The following REPS1 variants were observed in gnomAD, a reference collection of about 807,000 sequenced individuals.
The protein encoded by REPS1 is ralBP1-associated Eps domain-containing protein 1.
REPS1 carries 39 observed loss-of-function variants against 100.9 expected under a neutral mutation model. The observed-to-expected ratio is 0.39, with a 90% CI of 0.30 to 0.50. REPS1 has a LOEUF of 0.50. Among genes scored for constraint, REPS1 ranks in the 20% least tolerant of loss-of-function variants. The pLI, the probability that REPS1 is intolerant of heterozygous loss-of-function variation, is 0.86. For missense variants in REPS1, 821 were observed against 968.5 expected, an observed-to-expected ratio of 0.85 and a Z score of 2.02; for synonymous variants, 324 against 340.3, an observed-to-expected ratio of 0.95 and a Z score of 0.53.
chr6:138,987,771 C>T lies in REPS1; in HGVS notation c.-89G>A. The T allele has an allele frequency of 7.3e-7, 1 of 1,374,296 alleles. No individual in the cohort carries two copies. Among genetic ancestry groups the T allele is most frequent in the Non-Finnish European group, 9.4e-7 (1 of 1,058,534 alleles). The allele number at this position is 1,374,296 out of a possible 1,614,324, so 85.1% of individuals were successfully genotyped here. ...CTGGGCCGGCAGGGGCTGCGCGTGG[C>T]CCGGCCTCCTGCTAGCTTCCCGAAA... is the stretch of plus-strand genomic sequence containing the variant. On this transcript the variant is annotated 5_prime_UTR_variant, in exon 1 of 20. Transcript: ENST00000450536.
intron 17 of REPS1, among the ~76,000 whole-genome samples, chr6:138,910,096 G>A (rs1033678842): frequency 5.3e-5 from 8 of 152,192 alleles, no homozygotes; most frequent in African/African-American, 1.9e-4. Context: ...CTAGTGGGAG[G>A]TGTTTGGGTC....
At chr6:138,986,265 C>T (rs1182340943) in intron 1 of REPS1, among the ~76,000 whole-genome samples, 3 of 152,188 alleles carry the variant, frequency 2.0e-5, no homozygotes, top group Non-Finnish European at 4.4e-5. Context: ...CCTCGTTGCC[C>T]TTCACTGGCA....
At chr6:138,916,218 C>CTTTTTTTTTTTTTTTTTTTTTTT (rs10582137) in intron 13 of REPS1, 1 of 191,862 alleles carries the variant, frequency 5.2e-6, no homozygotes, top group Non-Finnish European at 9.6e-6. Flanking sequence ...TTCTTTTTTT[C>CTTTTTTTTTTTTTTTTTTTTTTT]TTTTTTTTTT....
intron 1 of REPS1, among the ~76,000 whole-genome samples, chr6:138,965,893 T>C (rs1325282107): frequency 6.6e-6 from 1 of 152,114 alleles, no homozygotes; most frequent in African/African-American, 2.4e-5. Flanking sequence ...TGACTCCTAA[T>C]CAGAAATTTT....
intron 16 of REPS1, 152 bp downstream of exon 16, chr6:138,912,613 A>T (rs1366888859): frequency 2.7e-6 from 2 of 728,436 alleles, no homozygotes; most frequent in African/African-American, 3.6e-5. Context: ...CACTGCAACC[A>T]GCAGATATTG....
At chr6:138,919,471 C>G (rs1193740230) in intron 12 of REPS1, among the ~76,000 whole-genome samples, 1 of 152,204 alleles carries the variant, frequency 6.6e-6, no homozygotes, top group Non-Finnish European at 1.5e-5. Context: ...GGCTTTTCAT[C>G]TAAGTCAAAG....
intron 1 of REPS1, among the ~76,000 whole-genome samples, chr6:138,950,568 T>C (rs887820015): frequency 3.3e-5 from 5 of 152,218 alleles, no homozygotes; most frequent in African/African-American, 4.8e-5. Context: ...TATATTTATA[T>C]GTGCTTATTT....
At position 138,914,093 on chromosome 6, in the gene REPS1, A is replaced by G. The variant is rs373481281; in HGVS notation, c.1785+604T>C. 4.0e-5 allele frequency among the ~76,000 whole-genome samples: 6 copies of G among 151,378 alleles called. No individual in the cohort carries two copies. The East Asian group carries it at 1.2e-3, about 30-fold the overall frequency. On this transcript the variant is annotated intron_variant, in intron 15 of 19. Transcript: ENST00000450536. ...GGGGTATTTTGTTTTGTTTTGAGAC[A>G]GGGTCTCACTCTGTCATCCAGGCTG...
chr6:138,969,453 T>A (rs1469712910), intron 1 of REPS1, among the ~76,000 whole-genome samples: 7 of 144,440 alleles, frequency 4.8e-5, no homozygotes, highest in Admixed American at 1.4e-4. Context: ...GCTGGCCAAT[T>A]TTTTTTTTTT....
rs1779494359 is a variant in REPS1, at chr6:138,903,993, T to G, written c.*1071A>C. 1.3e-5 allele frequency: 2 copies of G among 152,210 alleles called. No individual in the cohort carries two copies. The highest frequency in any genetic ancestry group is 2.9e-5 in the Non-Finnish European group (2 of 68,030). 9.4% of individuals were successfully genotyped at this position (152,210 alleles called of 1,614,324 possible). A position where few individuals can be genotyped will look rare whatever the true frequency, so the allele number is the denominator to read the frequency against. On this transcript the variant is annotated 3_prime_UTR_variant, in exon 20 of 20. Transcript: ENST00000450536. ...CTTCTATTTCTTAAAACTTTAAATC[T>G]TGTTAAAAAGATGAACAAAAGTTAA...
Position 138,945,540 on chromosome 6 carries a change from G to C in REPS1, c.435C>G (p.Ser145Arg). The C allele has an allele frequency of 6.2e-7, 1 of 1,611,354 alleles. No individual in the cohort carries two copies. The highest frequency in any genetic ancestry group is 2.2e-5 in the East Asian group (1 of 44,832). ...ATGTACGAGGCTGAACCGTATCATG[G>C]CTTACGGATCCCTTTTTCACTTGCC... ...GRGQVKKGSV[S>R]HDTVQPRTSA... The change falls in exon 3 of 20, where the codon AGC becomes AGG. Residue 145 changes from serine (S) to arginine (R), a missense_variant. Ser to Arg is a moderately radical substitution (Grantham distance 110). Around this residue, in one of 3 missense-constraint regions of REPS1, gnomAD observed 757 missense variants for 866.4 expected, o/e 0.87. Coordinates refer to ENST00000450536, the MANE Select transcript of REPS1 (RefSeq NM_001286611.2).
chr6:138,962,191 A>T (rs1783779157), intron 1 of REPS1, among the ~76,000 whole-genome samples: 1 of 152,190 alleles, frequency 6.6e-6, no homozygotes. Flanking sequence ...AGACTGCAAT[A>T]ATGTCCCTTT....
chr6:138,950,599 T>C (rs1782954283), intron 1 of REPS1, among the ~76,000 whole-genome samples: 1 of 152,212 alleles, frequency 6.6e-6, no homozygotes, highest in Non-Finnish European at 1.5e-5. Context: ...TATGTTACCG[T>C]TTTGTATGCT....
At position 138,903,629 on chromosome 6, in the gene REPS1, A is replaced by G. The variant is rs1224784236; in HGVS notation, c.*1435T>C. The G allele has an allele frequency of 6.6e-6, 1 of 152,238 alleles. No individual in the cohort carries two copies. The highest frequency in any genetic ancestry group is 1.9e-4 in the East Asian group (1 of 5,206). The allele number at this position is 152,238 out of a possible 1,614,324, so 9.4% of individuals were successfully genotyped here. A position where few individuals can be genotyped will look rare whatever the true frequency, so the allele number is the denominator to read the frequency against. On this transcript the variant is annotated 3_prime_UTR_variant, in exon 20 of 20. Coordinates refer to ENST00000450536, the MANE Select transcript of REPS1 (RefSeq NM_001286611.2). ...AAAACAAAACTAAATGGAAACAGCA[A>G]AACTTGCTTGTAATGAAATACAGCT...
chr6:138,938,202 C>A (rs1424244650), intron 8 of REPS1, among the ~76,000 whole-genome samples: 2 of 152,148 alleles, frequency 1.3e-5, no homozygotes, highest in Non-Finnish European at 1.5e-5. Flanking sequence ...GACAGAAGTA[C>A]TTCTGCCTAT....
At chr6:138,905,316 G>A (rs980482785) in intron 19 of REPS1, among the ~76,000 whole-genome samples, 184 bp from the exon 20 acceptor site, 5 of 152,248 alleles carry the variant, frequency 3.3e-5, no homozygotes, top group South Asian at 2.1e-4. Flanking sequence ...ACGGAGTCTC[G>A]CTCTGTCGCC....
At chr6:138,916,773 C>G (rs906500046) in intron 13 of REPS1, among the ~76,000 whole-genome samples, 5 of 152,170 alleles carry the variant, frequency 3.3e-5, no homozygotes, top group Non-Finnish European at 1.5e-5. Context: ...CCTAGAGATT[C>G]ACTTCTTTGC....
intron 10 of REPS1, among the ~76,000 whole-genome samples, chr6:138,925,188 A>T (rs923487259): frequency 4.9e-5 from 4 of 81,948 alleles, no homozygotes; most frequent in South Asian, 4.1e-4. Flanking sequence ...TCTACTAAAA[A>T]ATACACACAC....
In REPS1 at chr6:138,904,563, A is replaced by C. The variant is rs1284701145; in HGVS notation, c.*501T>G. The C allele has an allele frequency of 6.6e-6, 1 of 152,318 alleles. No individual in the cohort carries two copies. The highest frequency in any genetic ancestry group is 6.5e-5 in the Admixed American group (1 of 15,290). 9.4% of individuals were successfully genotyped at this position (152,318 alleles called of 1,614,324 possible). A position where few individuals can be genotyped will look rare whatever the true frequency, so the allele number is the denominator to read the frequency against. On this transcript the variant is annotated 3_prime_UTR_variant, in exon 20 of 20. Transcript: ENST00000450536. ...GTACCACATGATTTGTGAAGAATGT[A>C]GACGGCTGCAGAGAGTAAATTAGCT...
Sources: gnomAD v4.1 joint callset for allele counts (sites outside exome capture counted in the v4.1 genomes callset) on GRCh38, gnomAD v4.1.1 for gene constraint, gnomAD v4.1.1 regional missense constraint, MANE v1.5 for transcripts, NCBI Gene and HGNC (gene_info 2026-07-23, HGNC 2026-07-21) for gene names.